Variants in ADAM2 observed in about 807,000 individuals in gnomAD.
The protein encoded by ADAM2 is ADAM metallopeptidase domain 2, also known as disintegrin and metalloproteinase domain-containing protein 2.
In ADAM2, 101 loss-of-function variants were observed where a neutral mutation model predicts 99.3. The observed-to-expected ratio is 1.02, with a 90% confidence interval of 0.87 to 1.20. The LOEUF is 1.20. ADAM2 is among the 50% of genes most tolerant of loss of function. The probability of loss-of-function intolerance (pLI) is 0.00; values close to 1 mark genes in which losing one functional copy is unlikely to be tolerated. For synonymous variants in ADAM2, 323 were observed against 287.6 expected (o/e 1.12, Z -1.25); for missense variants, 948 against 878.7 (o/e 1.08, Z -1.00).
In ADAM2 at chr8:39,821,070, C is replaced by T; in HGVS notation, c.445G>A (p.Asp149Asn). The T allele has an allele frequency of 6.2e-7, 1 of 1,604,054 alleles. No individual in the cohort carries two copies. Among genetic ancestry groups the T allele is most frequent in the Non-Finnish European group, 8.5e-7 (1 of 1,171,308 alleles). Reference protein sequence around the residue: ...VIYQVKHKKADVSLYNEKDIE... With the variant: ...VIYQVKHKKANVSLYNEKDIE... ...TCCTTCTCATTATATAAGGAAACATCTGCTTTCTTATGTTTTACTTGGTAA... is the reference window on the plus strand; with the variant it reads ...TCCTTCTCATTATATAAGGAAACATTTGCTTTCTTATGTTTTACTTGGTAA... The change falls in exon 6 of 21, where the codon GAT (aspartate) becomes AAT (asparagine). Residue 149 changes from aspartate to asparagine, a missense_variant. Physicochemically the swap from Asp to Asn is conservative, Grantham distance 23. Coordinates refer to ENST00000265708, the MANE Select transcript of ADAM2 (RefSeq NM_001464.5).
intron 6 of ADAM2, among the ~76,000 whole-genome samples, chr8:39,814,574 G>T (rs376079156): frequency 2.6e-5 from 4 of 152,184 alleles, no homozygotes; most frequent in Admixed American, 1.3e-4. Flanking sequence ...ATGTATGAAT[G>T]AAATATTCAG....
intron 10 of ADAM2, among the ~76,000 whole-genome samples, chr8:39,779,464 CG>C (rs1201386219): frequency 6.6e-6 from 1 of 151,900 alleles, no homozygotes; most frequent in African/African-American, 2.4e-5. Context: ...CATATGAATT[CG>C]GGGGGACACA....
At chr8:39,792,836 A>T (rs150806803) in intron 7 of ADAM2, among the ~76,000 whole-genome samples, 2 of 152,156 alleles carry the variant, frequency 1.3e-5, no homozygotes, top group African/African-American at 4.8e-5. Context: ...TGTTGAGCCC[A>T]TACATAGAAA....
intron 14 of ADAM2, among the ~76,000 whole-genome samples, chr8:39,761,512 T>A (rs576644929): frequency 2.6e-5 from 4 of 152,282 alleles, no homozygotes; most frequent in African/African-American, 9.6e-5. Flanking sequence ...CTAGACATAC[T>A]CCAGAGTTAG....
At chr8:39,749,806 A>G (rs1246626507) in intron 16 of ADAM2, 62 bp from the exon 17 acceptor site, 10 of 1,301,072 alleles carry the variant, frequency 7.7e-6, no homozygotes, top group Non-Finnish European at 1.1e-5. Flanking sequence ...ATTTAATTAA[A>G]AGCATTCCAT....
Position 39,746,582 on chromosome 8 carries a change from T to C in ADAM2, c.2064A>G (p.Pro688=), listed in dbSNP as rs1212069536. 3 of 1,607,514 alleles carry C rather than the reference T, an allele frequency of 1.9e-6. No homozygotes were observed. The highest frequency in any genetic ancestry group is 2.5e-6 in the Non-Finnish European group (3 of 1,176,970). The stretch of plus-strand genomic sequence containing the variant: ...TAAAGAAAGGAATGAATAAGAAAAA[T>C]GGCCATCTCATTGGTTTGGAATGGT... ...NIYHSKPMRW[P]FFLFIPFFII... The change falls in exon 19 of 21, where the codon CCA becomes CCG. Residue 688 remains proline (P), a synonymous_variant. Transcript: ENST00000265708.
intron 12 of ADAM2, 86 bp downstream of exon 12, chr8:39,769,306 A>G: frequency 1.9e-6 from 2 of 1,067,512 alleles, no homozygotes; most frequent in East Asian, 2.4e-5. Context: ...AGCTTGATGA[A>G]TTAAGGAAAA....
chr8:39,776,878 C>T (rs1457467487), intron 11 of ADAM2, 147 bp downstream of exon 11: 2 of 551,964 alleles, frequency 3.6e-6, no homozygotes, highest in South Asian at 2.6e-5. Flanking sequence ...AAATATGCAT[C>T]GTGGGCATTG....
At chr8:39,819,430 A>T (rs1354332651) in intron 6 of ADAM2, among the ~76,000 whole-genome samples, 1 of 152,104 alleles carries the variant, frequency 6.6e-6, no homozygotes, top group Non-Finnish European at 1.5e-5. Flanking sequence ...AGAATAAATG[A>T]TGTGATATTG....
At chr8:39,761,807 C>A (rs1054486566) in intron 14 of ADAM2, among the ~76,000 whole-genome samples, 1 of 152,098 alleles carries the variant, frequency 6.6e-6, no homozygotes, top group Non-Finnish European at 1.5e-5. Flanking sequence ...CATGGCCGGG[C>A]GCGGTGGTTC....
At chr8:39,757,362 C>A (rs1472951871) in intron 15 of ADAM2, among the ~76,000 whole-genome samples, 25 of 152,108 alleles carry the variant, frequency 1.6e-4, no homozygotes, top group Admixed American at 1.6e-3. Context: ...TATAACTGAG[C>A]TTTAAGAATG....
intron 15 of ADAM2, among the ~76,000 whole-genome samples, chr8:39,757,625 T>C (rs1370324417): frequency 6.6e-6 from 1 of 152,068 alleles, no homozygotes; most frequent in East Asian, 1.9e-4. Flanking sequence ...AGGGAGCACA[T>C]AAAAAGCATC....
At chr8:39,757,528 T>G (rs1802195652) in intron 15 of ADAM2, among the ~76,000 whole-genome samples, 1 of 152,158 alleles carries the variant, frequency 6.6e-6, no homozygotes, top group Non-Finnish European at 1.5e-5. Flanking sequence ...GACTGAGAAC[T>G]GAAATCTGAA....
At chr8:39,801,732 G>T (rs1427740382) in intron 7 of ADAM2, among the ~76,000 whole-genome samples, 1 of 152,010 alleles carries the variant, frequency 6.6e-6, no homozygotes, top group Non-Finnish European at 1.5e-5. Flanking sequence ...TGGAGATGCT[G>T]CAGGGAAGCC....
chr8:39,832,396 G>A (rs1373511113), intron 3 of ADAM2, among the ~76,000 whole-genome samples: 1 of 152,102 alleles, frequency 6.6e-6, no homozygotes, highest in African/African-American at 2.4e-5. Context: ...AATAACAATA[G>A]CCACTAAAGG....
At chr8:39,826,712 G>GAA (rs578160997) in intron 3 of ADAM2, among the ~76,000 whole-genome samples, 9 of 123,146 alleles carry the variant, frequency 7.3e-5, no homozygotes, top group Non-Finnish European at 1.6e-4. Context: ...TACAGAGCGA[G>GAA]AAAAAAAAAA....
At chr8:39,817,759 A>G (rs1036921198) in intron 6 of ADAM2, 2 of 152,022 alleles carry the variant, frequency 1.3e-5, no homozygotes, top group African/African-American at 4.8e-5. Flanking sequence ...AAATTAATAA[A>G]ATCAGAAATG....
intron 14 of ADAM2, among the ~76,000 whole-genome samples, chr8:39,765,212 C>CACAGAG (rs1802525279): frequency 3.9e-5 from 6 of 152,056 alleles, no homozygotes; most frequent in Non-Finnish European, 1.5e-5. Context: ...TCTGTCTTCT[C>CACAGAG]ATAGAGATAC....
intron 7 of ADAM2, among the ~76,000 whole-genome samples, chr8:39,803,277 C>T (rs1804292017): frequency 1.3e-5 from 2 of 152,120 alleles, no homozygotes; most frequent in South Asian, 4.1e-4. Context: ...ATGAGTCACT[C>T]ATACTAAAAA....
Sources: allele counts gnomAD v4.1 joint callset (sites outside exome capture counted in the v4.1 genomes callset), GRCh38; gene constraint gnomAD v4.1.1; transcripts MANE v1.5; gene names NCBI Gene and HGNC (gene_info 2026-07-23, HGNC 2026-07-21).